Variants in CPA6 observed in about 807,000 individuals in gnomAD.
The protein encoded by CPA6 is carboxypeptidase A6, also known as carboxypeptidase B.
A neutral mutation model predicts 63.3 loss-of-function variants in CPA6; 58 were observed. The observed-to-expected ratio is 0.92, with a 90% CI of 0.74 to 1.14. The LOEUF (loss-of-function observed/expected upper bound fraction) is 1.14. CPA6 is among the 50% of genes most tolerant of loss of function. The pLI, the probability that CPA6 is intolerant of heterozygous loss-of-function variation, is 0.00. For missense variants in CPA6, 565 were observed against 526.6 expected, an observed-to-expected ratio of 1.07 and a Z score of -0.71; for synonymous variants, 185 against 179.0, an observed-to-expected ratio of 1.03 and a Z score of -0.27.
At chr8:67,423,761 C>T (rs1423879340) in intron 10 of CPA6, among the ~76,000 whole-genome samples, 1 of 152,220 alleles carries the variant, frequency 6.6e-6, no homozygotes, top group Non-Finnish European at 1.5e-5. Flanking sequence ...CTTACTGAAA[C>T]TTTCCCATTC....
intron 3 of CPA6, among the ~76,000 whole-genome samples, chr8:67,515,560 C>T (rs1451006175): frequency 6.6e-6 from 1 of 152,218 alleles, no homozygotes; most frequent in Non-Finnish European, 1.5e-5. Context: ...CGTGAATCTT[C>T]TCGCTTCCAG....
At chr8:67,535,669 G>A (rs1350424456) in intron 2 of CPA6, among the ~76,000 whole-genome samples, 1 of 152,138 alleles carries the variant, frequency 6.6e-6, no homozygotes, top group Non-Finnish European at 1.5e-5. Context: ...TGTTCATTCT[G>A]ATGATAGTTT....
At chr8:67,725,643 C>G (rs559534260) in intron 1 of CPA6, among the ~76,000 whole-genome samples, 27 of 152,264 alleles carry the variant, frequency 1.8e-4, no homozygotes, top group African/African-American at 6.3e-4. Flanking sequence ...ACCTCTGCCT[C>G]TAGAGTAGCT....
chr8:67,536,527 G>T (rs1233146194), intron 2 of CPA6, among the ~76,000 whole-genome samples: 1 of 152,146 alleles, frequency 6.6e-6, no homozygotes, highest in Non-Finnish European at 1.5e-5. Flanking sequence ...GAATGCTTGT[G>T]ATTTTTGCAC....
At chr8:67,595,782 C>T (rs1023388020) in intron 2 of CPA6, among the ~76,000 whole-genome samples, 12 of 152,182 alleles carry the variant, frequency 7.9e-5, no homozygotes, top group Non-Finnish European at 4.4e-5. Flanking sequence ...CAGGTGCCGT[C>T]TGTCACCCCT....
At chr8:67,563,414 T>C (rs1345312332) in intron 2 of CPA6, among the ~76,000 whole-genome samples, 2 of 152,232 alleles carry the variant, frequency 1.3e-5, no homozygotes, top group African/African-American at 4.8e-5. Flanking sequence ...CATGAGTGAC[T>C]GGCAAATTGT....
chr8:67,686,580 T>C (rs572894464), intron 1 of CPA6, among the ~76,000 whole-genome samples: 16 of 152,356 alleles, frequency 1.1e-4, no homozygotes, highest in African/African-American at 1.4e-4. Flanking sequence ...CATTGTATAC[T>C]GCAAAAGAAA....
intron 8 of CPA6, among the ~76,000 whole-genome samples, chr8:67,474,834 T>A (rs1198160401): frequency 2.0e-5 from 3 of 151,868 alleles, no homozygotes; most frequent in Non-Finnish European, 4.4e-5. Context: ...AATAAATTAG[T>A]CAGGTATGAT....
At chr8:67,693,204 T>C (rs1241893455) in intron 1 of CPA6, among the ~76,000 whole-genome samples, 4 of 152,226 alleles carry the variant, frequency 2.6e-5, no homozygotes, top group African/African-American at 7.2e-5. Flanking sequence ...TGTTTCTTTA[T>C]TCTATAGCAC....
intron 8 of CPA6, among the ~76,000 whole-genome samples, chr8:67,471,393 A>C (rs774364344): frequency 2.0e-5 from 3 of 152,172 alleles, no homozygotes; most frequent in Non-Finnish European, 4.4e-5. Flanking sequence ...GACTAAATTC[A>C]AGGATGCATC....
At chr8:67,720,646 T>C (rs1170015224) in intron 1 of CPA6, among the ~76,000 whole-genome samples, 1 of 152,206 alleles carries the variant, frequency 6.6e-6, no homozygotes, top group Non-Finnish European at 1.5e-5. Context: ...TTAGTCCACA[T>C]GCTTCAAGGA....
At chr8:67,634,006 A>ACCAGAAAGTATAGCTTTAAAAATTATT (rs1815405755) in intron 1 of CPA6, among the ~76,000 whole-genome samples, 20 of 151,736 alleles carry the variant, frequency 1.3e-4, no homozygotes, top group African/African-American at 4.9e-4. Context: ...CGTATGTTGA[A>ACCAGAAAGTATAGCTTTAAAAATTATT]GTCCTAACTC....
In CPA6 at chr8:67,660,560, A is replaced by T. The variant is rs542640739; in HGVS notation, c.117-36309T>A. 2.4e-4 allele frequency among the ~76,000 whole-genome samples: 31 copies of T among 126,776 alleles called. 3 individuals are homozygous for T. The South Asian group carries it at 7.7e-3, about 31-fold the overall frequency. 83.2% of individuals were successfully genotyped at this position (126,776 alleles called of 152,430 possible). A position where few individuals can be genotyped will look rare whatever the true frequency, so the allele number is the denominator to read the frequency against. On this transcript the variant is annotated intron_variant, in intron 1 of 10. Coordinates refer to ENST00000297770, the MANE Select transcript of CPA6 (RefSeq NM_020361.5). Reference sequence around the variant, plus strand: ...CACCGTGTTGCCCAGGCTGGTCTTGAACTCCTGGGCTCAAGTGATGTGCCT... The same window carrying T: ...CACCGTGTTGCCCAGGCTGGTCTTGTACTCCTGGGCTCAAGTGATGTGCCT...
chr8:67,715,899 A>G (rs944157086), intron 1 of CPA6, among the ~76,000 whole-genome samples: 3 of 152,164 alleles, frequency 2.0e-5, no homozygotes, highest in Non-Finnish European at 4.4e-5. Context: ...CAGGCCTGTA[A>G]TCCCAACACT....
At chr8:67,522,195 A>G (rs1483053448) in intron 2 of CPA6, among the ~76,000 whole-genome samples, 1 of 152,110 alleles carries the variant, frequency 6.6e-6, no homozygotes, top group African/African-American at 2.4e-5. Context: ...CCATGGACCA[A>G]TCAGCATAAT....
At chr8:67,496,555 A>T (rs12545874) in intron 6 of CPA6, among the ~76,000 whole-genome samples, 5,200 of 100,918 alleles carry the variant, frequency 0.052, 305 homozygotes, top group African/African-American at 0.12. Flanking sequence ...ATATATATAT[A>T]TATTTATTTT....
chr8:67,583,511 TAA>T (rs1313145233), intron 2 of CPA6, among the ~76,000 whole-genome samples: 3 of 152,108 alleles, frequency 2.0e-5, no homozygotes, highest in Non-Finnish European at 2.9e-5. Flanking sequence ...TGTGGCTGAA[TAA>T]AATCCTAGTA....
At chr8:67,456,592 T>C (rs2128956470) in intron 8 of CPA6, among the ~76,000 whole-genome samples, 1 of 152,344 alleles carries the variant, frequency 6.6e-6, no homozygotes, top group African/African-American at 2.4e-5. Context: ...GCTTAAACTT[T>C]ATAATGGCTC....
chr8:67,477,205 G>A (rs916024975), intron 8 of CPA6, among the ~76,000 whole-genome samples: 5 of 147,492 alleles, frequency 3.4e-5, no homozygotes, highest in African/African-American at 1.3e-4. Flanking sequence ...GCAGGAGAAT[G>A]GCTGAACCTG....
Sources: gnomAD v4.1 joint callset for allele counts (sites outside exome capture counted in the v4.1 genomes callset) on GRCh38, gnomAD v4.1.1 for gene constraint, MANE v1.5 for transcripts, NCBI Gene and HGNC (gene_info 2026-07-23, HGNC 2026-07-21) for gene names.